The following ELP4 variants were observed in gnomAD, a reference collection of about 807,000 sequenced individuals.
The protein encoded by ELP4 is elongator acetyltransferase complex subunit 4, also known as elongator complex protein 4.
A neutral mutation model predicts 48.9 loss-of-function variants in ELP4; 51 were observed. The observed-to-expected ratio is 1.04, with a 90% CI of 0.83 to 1.32. The LOEUF (loss-of-function observed/expected upper bound fraction) is 1.32. Among genes scored for constraint, ELP4 ranks in the 40% most tolerant of loss-of-function variants. The pLI is 0.00. For missense variants in ELP4, 519 were observed against 514.6 expected (o/e 1.01, Z -0.08); for synonymous variants, 210 against 189.2 (o/e 1.11, Z -0.90).
chr11:31,674,207 A>G (rs988374387), intron 9 of ELP4, among the ~76,000 whole-genome samples: 1 of 152,226 alleles, frequency 6.6e-6, no homozygotes, highest in African/African-American at 2.4e-5. Context: ...AATCTCTTGA[A>G]ATTTTTATTT....
intron 3 of ELP4, among the ~76,000 whole-genome samples, chr11:31,559,899 TCCGTC>T (rs1236774537): frequency 9.2e-6 from 1 of 108,172 alleles, no homozygotes; most frequent in Non-Finnish European, 1.8e-5. Context: ...AGAGCAAAAC[TCCGTC>T]TAAAAAAAAA....
At chr11:31,539,846 A>G (rs973083942) in intron 3 of ELP4, 63 bp downstream of exon 3, 1 of 1,414,404 alleles carries the variant, frequency 7.1e-7, no homozygotes, top group Non-Finnish European at 9.5e-7. Flanking sequence ...TTGTTTATAT[A>G]TGTAAACAAG....
At chr11:31,665,470 G>A (rs1945652158) in intron 9 of ELP4, among the ~76,000 whole-genome samples, 1 of 151,882 alleles carries the variant, frequency 6.6e-6, no homozygotes. Context: ...CTATAGGTTA[G>A]CTTCACCGTG....
chr11:31,709,722 C>T lies in ELP4; in HGVS notation c.1143+59501C>T, dbSNP rs1032560190. ...GTTCTAAGGATTAAATGATAAAATACACATGAATTGCCTAATACAATAACT... is the reference window on the plus strand; with the variant it reads ...GTTCTAAGGATTAAATGATAAAATATACATGAATTGCCTAATACAATAACT... On this transcript the variant is annotated intron_variant, in intron 9 of 9. Transcript: ENST00000640961. Among the ~76,000 whole-genome samples the T allele has an allele frequency of 2.0e-5, 3 of 152,040 alleles. No individual in the cohort carries two copies. The South Asian group carries it at 6.2e-4, about 31-fold the overall frequency.
intron 9 of ELP4, among the ~76,000 whole-genome samples, chr11:31,740,360 T>G (rs1947417511): frequency 6.6e-6 from 1 of 152,250 alleles, no homozygotes; most frequent in African/African-American, 2.4e-5. Flanking sequence ...CACATTGGCA[T>G]CATTTAAACA....
chr11:31,655,776 T>C (rs994273981), intron 9 of ELP4, among the ~76,000 whole-genome samples: 1 of 152,026 alleles, frequency 6.6e-6, no homozygotes, highest in Non-Finnish European at 1.5e-5. Flanking sequence ...GTATCCTGAT[T>C]AGGTAAGTTC....
intron 2 of ELP4, among the ~76,000 whole-genome samples, chr11:31,536,641 C>T (rs1160780545): frequency 2.0e-5 from 3 of 152,096 alleles, no homozygotes; most frequent in South Asian, 2.1e-4. Flanking sequence ...CATGAGCCAC[C>T]GCATCTGGTC....
chr11:31,627,228 T>A, intron 6 of ELP4, 34 bp downstream of exon 6: 1 of 643,670 alleles, frequency 1.6e-6, no homozygotes, highest in Non-Finnish European at 2.2e-6. Context: ...TTATAATTAT[T>A]TATATAATGT....
intron 9 of ELP4, among the ~76,000 whole-genome samples, chr11:31,770,499 C>T (rs1174266279): frequency 6.7e-6 from 1 of 148,558 alleles, no homozygotes; most frequent in Non-Finnish European, 1.5e-5. Flanking sequence ...GTTATTTCAA[C>T]TGTTACCTAA....
At chr11:31,655,494 G>A (rs1269342013) in intron 9 of ELP4, among the ~76,000 whole-genome samples, 2 of 151,994 alleles carry the variant, frequency 1.3e-5, no homozygotes, top group Admixed American at 1.3e-4. Context: ...CAAACAATTT[G>A]ATTAGATCTG....
chr11:31,647,488 A>G (rs1314748716), intron 7 of ELP4: 1 of 302,256 alleles, frequency 3.3e-6, no homozygotes, highest in Non-Finnish European at 6.1e-6. Context: ...TAATAAATTT[A>G]TGTCTTCTAC....
chr11:31,622,702 A>G (rs1335261016), intron 5 of ELP4, among the ~76,000 whole-genome samples: 1 of 151,682 alleles, frequency 6.6e-6, no homozygotes, highest in Non-Finnish European at 1.5e-5. Flanking sequence ...GGGATAGAAT[A>G]TTGATAAGCA....
At chr11:31,675,667 C>T (rs1358366398) in intron 9 of ELP4, among the ~76,000 whole-genome samples, 1 of 152,122 alleles carries the variant, frequency 6.6e-6, no homozygotes, top group African/African-American at 2.4e-5. Flanking sequence ...TCTCACTTAA[C>T]ATCTTAGATA....
At chr11:31,705,354 C>T (rs1592239778) in intron 9 of ELP4, among the ~76,000 whole-genome samples, 1 of 152,234 alleles carries the variant, frequency 6.6e-6, no homozygotes, top group East Asian at 1.9e-4. Flanking sequence ...TCCTAATTAC[C>T]GCCCAAAAGC....
At chr11:31,659,931 G>T (rs1945518534) in intron 9 of ELP4, among the ~76,000 whole-genome samples, 1 of 152,148 alleles carries the variant, frequency 6.6e-6, no homozygotes, top group African/African-American at 2.4e-5. Flanking sequence ...GGTGGAGGTT[G>T]CAGTGAGCCA....
At chr11:31,762,715 AT>A (rs1035160108) in intron 9 of ELP4, among the ~76,000 whole-genome samples, 4 of 151,722 alleles carry the variant, frequency 2.6e-5, no homozygotes, top group Non-Finnish European at 2.9e-5. Flanking sequence ...TAAAATATAG[AT>A]TTTTTTATAT....
In ELP4 at chr11:31,786,051, C is replaced by A. The variant is rs1324979958; in HGVS notation, c.*2527C>A. 1 of 204,178 alleles carries A rather than the reference C, an allele frequency of 4.9e-6. No individual in the cohort carries two copies. The highest frequency in any genetic ancestry group is 1.0e-5 in the Non-Finnish European group (1 of 99,526). The allele number at this position is 204,178 out of a possible 1,614,324, so 12.6% of individuals were successfully genotyped here. Reference sequence around the variant, plus strand: ...GACTACTGCAGTTTGCTCAGGTGCTCGGGTTCTAAGACTTTTTGAATTTCC... The same window carrying A: ...GACTACTGCAGTTTGCTCAGGTGCTAGGGTTCTAAGACTTTTTGAATTTCC... On this transcript the variant is annotated 3_prime_UTR_variant, in exon 10 of 10. Coordinates refer to ENST00000640961, the MANE Select transcript of ELP4 (RefSeq NM_019040.5).
chr11:31,563,845 A>G (rs1361022242), intron 3 of ELP4, among the ~76,000 whole-genome samples: 2 of 152,172 alleles, frequency 1.3e-5, no homozygotes, highest in Non-Finnish European at 2.9e-5. Context: ...GGAAAGAAAG[A>G]TATAACAACA....
At chr11:31,537,236 T>C (rs1956515558) in intron 2 of ELP4, among the ~76,000 whole-genome samples, 1 of 152,224 alleles carries the variant, frequency 6.6e-6, no homozygotes, top group Non-Finnish European at 1.5e-5. Flanking sequence ...CTTTTTGTTG[T>C]TTAAATATGG....
Sources: allele counts gnomAD v4.1 joint callset (sites outside exome capture counted in the v4.1 genomes callset), GRCh38; gene constraint gnomAD v4.1.1; transcripts MANE v1.5; gene names NCBI Gene and HGNC (gene_info 2026-07-23, HGNC 2026-07-21).